TPP1: variants seen among roughly 807,000 people sequenced by gnomAD.
TPP1 encodes the protein tripeptidyl peptidase 1, also known as tripeptidyl-peptidase 1.
TPP1 carries 43 observed loss-of-function variants against 67.6 expected under a neutral mutation model. The ratio of observed to expected loss-of-function variants is 0.64; its 90% confidence interval spans 0.50 to 0.82. TPP1 has a LOEUF of 0.82. TPP1 is among the 40% of genes least tolerant of loss of function. The pLI is 0.00. For missense variants in TPP1, 671 were observed against 710.9 expected (o/e 0.94, Z 0.64); for synonymous variants, 272 against 281.5 (o/e 0.97, Z 0.34).
Position 6,616,034 on chromosome 11 carries a change from G to C in TPP1, c.1116C>G (p.His372Gln), listed in dbSNP as rs751321300. The C allele has an allele frequency of 1.4e-5, 22 of 1,614,088 alleles. No homozygotes were observed. In the East Asian group the frequency reaches 4.9e-4, roughly 36 times the overall value. Reference sequence around the variant, plus strand: ...AGGCAGGGAAGGTAGGGCGGAACTGGTGTCTTCCAGAGACAGACCAACACC... The same window carrying C: ...AGGCAGGGAAGGTAGGGCGGAACTGCTGTCTTCCAGAGACAGACCAACACC... ...GAGCWSVSGR[H>Q]QFRPTFPASS... The change falls in exon 9 of 13, where the codon CAC (histidine) becomes CAG (glutamine). Residue 372 changes from histidine to glutamine, a missense_variant. Physicochemically the swap from His to Gln is conservative, Grantham distance 24 (BLOSUM62 0). Transcript: ENST00000299427.
At chr11:6,616,216 A>C (rs1267731062) in intron 8 of TPP1, 99 bp downstream of exon 8, 3 of 1,592,642 alleles carry the variant, frequency 1.9e-6, no homozygotes, top group Non-Finnish European at 1.7e-6. Flanking sequence ...GTCTGAGTTC[A>C]GATTATGAGT....
At chr11:6,615,959 A>G in intron 9 of TPP1, 46 bp downstream of exon 9, 1 of 1,597,752 alleles carries the variant, frequency 6.3e-7, no homozygotes, top group Non-Finnish European at 8.6e-7. Flanking sequence ...TGAGATCACA[A>G]GTGAAAGGTG....
rs771139197 is a variant in TPP1 at position 6,615,980 on chromosome 11, C to T, written c.1145+25G>A. ...CACAAGTGAAAGGTGGTGGTTATAC[C>T]TGAGTGGTAGGCTAGAGTACTTACC... is the stretch of plus-strand genomic sequence containing the variant. On this transcript the variant is annotated intron_variant, in intron 9 of 12. Coordinates refer to ENST00000299427, the MANE Select transcript of TPP1 (RefSeq NM_000391.4). 8 of 1,613,274 alleles carry T rather than the reference C, an allele frequency of 5.0e-6. No homozygotes were observed. The East Asian group carries it at 1.8e-4, about 36-fold the overall frequency.
In TPP1 at chr11:6,618,920, AGGGTCAG is replaced by A; in HGVS notation, c.90-12_90-6del. 6.2e-7 allele frequency: 1 copy of A among 1,612,728 alleles called. No homozygotes were observed. Among genetic ancestry groups the A allele is most frequent in the Non-Finnish European group, 8.5e-7 (1 of 1,180,002 alleles). On this transcript the variant is annotated splice_region_variant and splice_polypyrimidine_tract_variant and intron_variant, in intron 2 of 12. Coordinates refer to ENST00000299427, the MANE Select transcript of TPP1 (RefSeq NM_000391.4). Reference sequence around the variant, plus strand: ...GACACCCAGCCTGGGGGCAGCCTGTAGGGTCAGGGGTCAGGGACATGGCTTTGGTTAG... The same window carrying A: ...GACACCCAGCCTGGGGGCAGCCTGTAGGGTCAGGGACATGGCTTTGGTTAG...
At chr11:6,617,251 C>T (rs1217740493) in intron 5 of TPP1, 50 bp downstream of exon 5, 1 of 1,613,974 alleles carries the variant, frequency 6.2e-7, no homozygotes, top group South Asian at 1.1e-5. Context: ...TAAACTTCCT[C>T]AGCCCCTGGA....
Position 6,617,116 on chromosome 11 carries a change from C to T in TPP1, c.546G>A (p.Leu182=). The T allele has an allele frequency of 6.2e-7, 1 of 1,614,122 alleles. No individual in the cohort carries two copies. The highest frequency in any genetic ancestry group is 8.5e-7 in the Non-Finnish European group (1 of 1,180,020). ...GLHRFPPTSS[L]RQRPEPQVTG... The stretch of plus-strand genomic sequence containing the variant: ...TCACCTGCGGCTCAGGACGTTGCCT[C>T]AGGGATGATGTTGGGGGAAAACGGT... The change falls in exon 6 of 13, where the codon CTG becomes CTA. Residue 182 remains leucine (L), a synonymous_variant. Transcript: ENST00000299427.
rs2134595571 is a variant in TPP1 at position 6,617,312 on chromosome 11, TG to T, written c.496del (p.His166MetfsTer17). 1 of 1,613,970 alleles carries T rather than the reference TG, an allele frequency of 6.2e-7. No individual in the cohort carries two copies. Among genetic ancestry groups the T allele is most frequent in the Non-Finnish European group, 8.5e-7 (1 of 1,179,976 alleles). ...CCCATAGGTGTTACCAAAGTCCACATGGGGGGCCAAGGCCTGTGGAAGCTGG... is the reference window on the plus strand; with the variant it reads ...CCCATAGGTGTTACCAAAGTCCACATGGGGGCCAAGGCCTGTGGAAGCTGG... Reference protein sequence around the residue: ...PYQLPQALAPHVDFVGGLHRF... With the variant: ...PYQLPQALAPXVDFVGGLHRF... On this transcript the variant is annotated frameshift_variant, in exon 5 of 13. Transcript: ENST00000299427. LOFTEE classifies it high-confidence loss of function.
rs1267796773 is a variant in TPP1, at chr11:6,616,400, G to A, written c.990C>T (p.Asp330=). The A allele has an allele frequency of 2.5e-6, 4 of 1,613,880 alleles. No homozygotes were observed. Among genetic ancestry groups the A allele is most frequent in the Non-Finnish European group, 3.4e-6 (4 of 1,180,028 alleles). Residue 330 remains aspartate, a synonymous_variant, in exon 8 of 13, where the codon GAC becomes GAT. Coordinates refer to ENST00000299427, the MANE Select transcript of TPP1 (RefSeq NM_000391.4). The part of the protein sequence containing the change: ...VHTVSYGDDE[D]SLSSAYIQRV... ...GCTGGATGTAGGCGCTGCTGAGGGA[G>A]TCCTCATCATCTCCATAGCTCACAG...
chr11:6,616,274 C>CTTTGT (rs779497175), intron 8 of TPP1, 41 bp downstream of exon 8: 148 of 1,612,370 alleles, frequency 9.2e-5, no homozygotes, highest in Non-Finnish European at 1.2e-4. Flanking sequence ...TCCCAGGCTG[C>CTTTGT]AGAGGTGTAA....
In TPP1 at chr11:6,616,374, C is replaced by T. The variant is rs765380155; in HGVS notation, c.1016G>A (p.Arg339Gln). ...EDSLSSAYIQ[R>Q]VNTELMKAAA... is the part of the protein sequence containing the mutation. ...AGCCTTCATGAGCTCAGTGTTGACC[C>T]GCTGGATGTAGGCGCTGCTGAGGGA... The change falls in exon 8 of 13, where the codon CGG becomes CAG. Residue 339 changes from arginine (R) to glutamine (Q), a missense_variant. Arg to Gln is a conservative substitution (Grantham distance 43, BLOSUM62 1). Transcript: ENST00000299427. The T allele has an allele frequency of 8.7e-6, 14 of 1,613,766 alleles. No individual in the cohort carries two copies. Among genetic ancestry groups the T allele is most frequent in the East Asian group, 2.2e-5 (1 of 44,898 alleles).
intron 2 of TPP1, 130 bp from the exon 3 acceptor site, chr11:6,619,045 T>C: frequency 4.7e-6 from 7 of 1,482,064 alleles, no homozygotes; most frequent in Non-Finnish European, 5.6e-6. Flanking sequence ...TCACATGAGG[T>C]GAATGATAGG....
Position 6,616,956 on chromosome 11 carries a change from G to A in TPP1, c.687+19C>T, listed in dbSNP as rs771997948. The A allele has an allele frequency of 6.8e-6, 11 of 1,613,996 alleles. No individual in the cohort carries two copies. Among genetic ancestry groups the A allele is most frequent in the Admixed American group, 1.7e-5 (1 of 60,000 alleles). On this transcript the variant is annotated intron_variant, in intron 6 of 12. Transcript: ENST00000299427. ...TGTGGGGAGGCTATGAGGACCCTGGGGCTCTTTGCTTGGCTCACCTGGGCA... is the reference window on the plus strand; with the variant it reads ...TGTGGGGAGGCTATGAGGACCCTGGAGCTCTTTGCTTGGCTCACCTGGGCA...
chr11:6,615,153 A>T lies in TPP1; in HGVS notation c.1425+18T>A, dbSNP rs749567861. 1 of 1,614,092 alleles carries T rather than the reference A, an allele frequency of 6.2e-7. No homozygotes were observed. The highest frequency in any genetic ancestry group is 1.1e-5 in the South Asian group (1 of 91,080). ...GGGTAGTTCCTGAGTGAGAGTTTGG[A>T]GATGGGCTGATTCTCACCGAGGTTC... On this transcript the variant is annotated intron_variant, in intron 11 of 12. Transcript: ENST00000299427.
chr11:6,615,426 A>G lies in TPP1; in HGVS notation c.1266+16T>C. Reference sequence around the variant, plus strand: ...CCTCACTCTTACCCTGCATCCATCCACACAAACACACGTACCTGGTATGAA... The same window carrying G: ...CCTCACTCTTACCCTGCATCCATCCGCACAAACACACGTACCTGGTATGAA... On this transcript the variant is annotated intron_variant, in intron 10 of 12. Transcript: ENST00000299427. 6.2e-7 allele frequency: 1 copy of G among 1,614,192 alleles called. No homozygotes were observed. Among genetic ancestry groups the G allele is most frequent in the Non-Finnish European group, 8.5e-7 (1 of 1,180,028 alleles).
chr11:6,614,795 T>A, intron 12 of TPP1, 71 bp downstream of exon 12: 1 of 1,613,736 alleles, frequency 6.2e-7, no homozygotes, highest in Non-Finnish European at 8.5e-7. Context: ...CCACCCTAAC[T>A]GCCCCCAAGT....
In TPP1 at chr11:6,617,763, G is replaced by A. The variant is rs774441925; in HGVS notation, c.243C>T (p.Thr81=). The A allele has an allele frequency of 1.1e-5, 17 of 1,614,042 alleles. No homozygotes were observed. Among genetic ancestry groups the A allele is most frequent in the South Asian group, 2.2e-5 (2 of 91,084 alleles). Reference sequence around the variant, plus strand: ...TCACCAGATCAGCCACATTCTCTAGGGTCAGGTATTTTCCTGCAGGGATTC... The same window carrying A: ...TCACCAGATCAGCCACATTCTCTAGAGTCAGGTATTTTCCTGCAGGGATTC... ...PSSPQYGKYL[T]LENVADLVRP... The change falls in exon 4 of 13, where the codon ACC becomes ACT. Residue 81 remains threonine (T), a synonymous_variant. Transcript: ENST00000299427.
rs1157181855 is a variant in TPP1 at position 6,616,686 on chromosome 11, G to A, written c.861C>T (p.Ile287=). 4 of 1,614,106 alleles carry A rather than the reference G, an allele frequency of 2.5e-6. No homozygotes were observed. Among genetic ancestry groups the A allele is most frequent in the East Asian group, 4.5e-5 (2 of 44,886 alleles). ...VQYLMSAGAN[I]STWVYSSPGR... ...CAGGGCTACTGTAGACCCAGGTGGA[G>A]ATGTTGGCACCAGCACTCATCAGGT... The change falls in exon 7 of 13, where the codon ATC becomes ATT. Residue 287 remains isoleucine, a synonymous_variant. Transcript: ENST00000299427.
intron 3 of TPP1, 86 bp from the exon 4 acceptor site, chr11:6,617,862 C>T: frequency 6.3e-7 from 1 of 1,585,104 alleles, no homozygotes; most frequent in African/African-American, 1.3e-5. Context: ...GACATCAGGA[C>T]TTCCCAAAGC....
rs148064565 is a variant in TPP1 at position 6,617,746 on chromosome 11, T to A, written c.260A>T (p.Asp87Val). The A allele has an allele frequency of 6.2e-7, 1 of 1,614,216 alleles. No individual in the cohort carries two copies. Among genetic ancestry groups the A allele is most frequent in the Admixed American group, 1.7e-5 (1 of 60,020 alleles). ...GKYLTLENVA[D>V]LVRPSPLTLH... ...GGTCAGTGGGGATGGCCTCACCAGA[T>A]CAGCCACATTCTCTAGGGTCAGGTA... The change falls in exon 4 of 13, where the codon GAT (aspartate) becomes GTT (valine). Residue 87 changes from aspartate (D) to valine (V), a missense_variant. Coordinates refer to ENST00000299427, the MANE Select transcript of TPP1 (RefSeq NM_000391.4).
Sources: gnomAD v4.1 joint callset for allele counts on GRCh38, gnomAD v4.1.1 for gene constraint, MANE v1.5 for transcripts, NCBI Gene and HGNC (gene_info 2026-07-23, HGNC 2026-07-21) for gene names.